FYTTD1: variants seen among roughly 807,000 people sequenced by gnomAD.
FYTTD1 encodes UAP56-interacting factor.
Under a neutral mutation model 40.9 loss-of-function variants are expected in FYTTD1, and 22 were observed. The ratio of observed to expected loss-of-function variants is 0.54; its 90% CI spans 0.38 to 0.77. The LOEUF (loss-of-function observed/expected upper bound fraction) is 0.77, where lower values mean the gene tolerates loss of function less well. Among genes scored for constraint, FYTTD1 ranks in the 30% least tolerant of loss-of-function variants. FYTTD1 has a pLI of 0.00. For synonymous variants in FYTTD1, 140 were observed against 137.9 expected (o/e 1.01, Z -0.10); for missense variants, 351 against 392.2 (o/e 0.90, Z 0.89).
Position 197,782,069 on chromosome 3 carries a change from A to G in FYTTD1, c.*160A>G, listed in dbSNP as rs1249165051. 3 of 448,132 alleles carry G rather than the reference A, an allele frequency of 6.7e-6. No homozygotes were observed. Among genetic ancestry groups the G allele is most frequent in the African/African-American group, 4.0e-5 (2 of 49,710 alleles). The allele number at this position is 448,132 out of a possible 1,614,324, so 27.8% of individuals were successfully genotyped here. On this transcript the variant is annotated 3_prime_UTR_variant, in exon 9 of 9. Coordinates refer to ENST00000241502, the MANE Select transcript of FYTTD1 (RefSeq NM_032288.7). The stretch of plus-strand genomic sequence containing the variant: ...TTTTTTTTTTTAAAAAAAAAAACGT[A>G]TAAAATAATGCCCTGAAAGAATAAT...
intron 2 of FYTTD1, among the ~76,000 whole-genome samples, chr3:197,767,795 A>C (rs986011723): frequency 1.3e-5 from 2 of 152,240 alleles, no homozygotes; most frequent in Admixed American, 6.5e-5. Flanking sequence ...ATGGAAAACC[A>C]AAGTTGGTAA....
In FYTTD1 at chr3:197,781,927, CT is replaced by C. The variant is rs771632139; in HGVS notation, c.*22del. ...TGGGATAGGTCCCATGTCAAAGGAA[CT>C]TTTGAGTGATGACTCTGAGAAGTTG... On this transcript the variant is annotated 3_prime_UTR_variant, in exon 9 of 9. Coordinates refer to ENST00000241502, the MANE Select transcript of FYTTD1 (RefSeq NM_032288.7). 1 of 1,491,014 alleles carries C rather than the reference CT, an allele frequency of 6.7e-7. No individual in the cohort carries two copies. The highest frequency in any genetic ancestry group is 9.2e-7 in the Non-Finnish European group (1 of 1,091,732). 92.4% of individuals were successfully genotyped at this position (1,491,014 alleles called of 1,614,324 possible).
chr3:197,762,989 T>G (rs570368203), intron 2 of FYTTD1, among the ~76,000 whole-genome samples: 1 of 152,244 alleles, frequency 6.6e-6, no homozygotes, highest in Non-Finnish European at 1.5e-5. Flanking sequence ...CTGCACATCC[T>G]GCACGTGTAC....
At chr3:197,766,582 A>G (rs1302535457) in intron 2 of FYTTD1, among the ~76,000 whole-genome samples, 1 of 151,884 alleles carries the variant, frequency 6.6e-6, no homozygotes, top group Non-Finnish European at 1.5e-5. Flanking sequence ...ATCTGGGACT[A>G]CAGGTACGCG....
intron 2 of FYTTD1, among the ~76,000 whole-genome samples, chr3:197,767,053 A>G (rs1188416054): frequency 1.3e-5 from 2 of 151,578 alleles, no homozygotes; most frequent in East Asian, 3.9e-4. Context: ...TGCAGTGAAC[A>G]TGTCTATTTT....
At chr3:197,771,139 G>A (rs1242934861) in intron 4 of FYTTD1, among the ~76,000 whole-genome samples, 1 of 152,122 alleles carries the variant, frequency 6.6e-6, no homozygotes, top group Non-Finnish European at 1.5e-5. Flanking sequence ...AGGATCACAT[G>A]AGCCCAGGAT....
Position 197,782,854 on chromosome 3 carries a change from A to G in FYTTD1, c.*945A>G, listed in dbSNP as rs1730064357. On this transcript the variant is annotated 3_prime_UTR_variant, in exon 9 of 9. Transcript: ENST00000241502. ...TATTTTGATAGTAAAATTAATAGCC[A>G]TAAAGTCCTAGACTTCTTATTTGAA... 6.6e-6 allele frequency: 1 copy of G among 152,604 alleles called. No homozygotes were observed. Among genetic ancestry groups the G allele is most frequent in the South Asian group, 2.1e-4 (1 of 4,832 alleles). The allele number at this position is 152,604 out of a possible 1,614,324, so 9.5% of individuals were successfully genotyped here.
chr3:197,754,824 C>T (rs1205160469), intron 1 of FYTTD1, among the ~76,000 whole-genome samples: 1 of 152,052 alleles, frequency 6.6e-6, no homozygotes, highest in East Asian at 1.9e-4. Context: ...ACCACCATGC[C>T]TGGCTAATTT....
At chr3:197,777,295 T>C (rs1397069559) in intron 7 of FYTTD1, among the ~76,000 whole-genome samples, 1 of 152,220 alleles carries the variant, frequency 6.6e-6, no homozygotes, top group Non-Finnish European at 1.5e-5. Context: ...CTGGCTCTGT[T>C]ACCCAGGCTG....
chr3:197,758,636 A>G (rs1560493285), intron 2 of FYTTD1, among the ~76,000 whole-genome samples: 1 of 152,232 alleles, frequency 6.6e-6, no homozygotes, highest in Non-Finnish European at 1.5e-5. Flanking sequence ...GAGCCTTGAA[A>G]TAAATGATAT....
At position 197,768,565 on chromosome 3, in the gene FYTTD1, A is replaced by G. The variant is rs1729619153; in HGVS notation, c.362A>G (p.Asn121Ser). 2 of 1,613,824 alleles carry G rather than the reference A, an allele frequency of 1.2e-6. No homozygotes were observed. Among genetic ancestry groups the G allele is most frequent in the Admixed American group, 3.3e-5 (2 of 60,002 alleles). ...TGIRKGISPMNRPPLSDKNIE... is the reference protein window; with the variant it reads ...TGIRKGISPMSRPPLSDKNIE... ...ATTCGAAAAGGAATTAGTCCTATGA[A>G]TCGTCCACCTCTAAGTGACAAGGTA... The change falls in exon 3 of 9, where the codon AAT becomes AGT. Residue 121 changes from asparagine to serine, a missense_variant. By Grantham distance (46) the Asn-to-Ser change is conservative. Coordinates refer to ENST00000241502, the MANE Select transcript of FYTTD1 (RefSeq NM_032288.7).
rs538322680 is a variant in FYTTD1, at chr3:197,764,359, T to G, written c.236-4080T>G. Among the ~76,000 whole-genome samples, 4 of 152,294 alleles carry G rather than the reference T, an allele frequency of 2.6e-5. No homozygotes were observed. In the East Asian group the frequency reaches 7.7e-4, roughly 29 times the overall value. On this transcript the variant is annotated intron_variant, in intron 2 of 8. Transcript: ENST00000241502. ...TCATTGCTAAAACAGATACAGCTAA[T>G]GAAGTTTGTTCAAAGGTAGAAAGGT...
rs1729776883 is a variant in FYTTD1, at chr3:197,773,473, A to G, written c.568A>G (p.Thr190Ala). 1 of 1,597,408 alleles carries G rather than the reference A, an allele frequency of 6.3e-7. No homozygotes were observed. Among genetic ancestry groups the G allele is most frequent in the Non-Finnish European group, 8.6e-7 (1 of 1,168,290 alleles). ...LNHQKDTRQA[T>A]FLFRRGLKVQ... ...TCATCAGAAAGATACTCGTCAGGCAACTTTTCTTTTCAGAAGAGGCCTGAA... is the reference window on the plus strand; with the variant it reads ...TCATCAGAAAGATACTCGTCAGGCAGCTTTTCTTTTCAGAAGAGGCCTGAA... The change falls in exon 5 of 9, where the codon ACT (threonine) becomes GCT (alanine). Residue 190 changes from threonine to alanine, a missense_variant. Physicochemically the swap from Thr to Ala is moderately conservative, Grantham distance 58 (BLOSUM62 0). Coordinates refer to ENST00000241502, the MANE Select transcript of FYTTD1 (RefSeq NM_032288.7).
Position 197,784,035 on chromosome 3 carries a change from G to T in FYTTD1, c.*2126G>T, listed in dbSNP as rs1730098893. On this transcript the variant is annotated 3_prime_UTR_variant, in exon 9 of 9. Transcript: ENST00000241502. ...AACAAAACAATATGCTTTGTTGAAG[G>T]AAAATTTTCTTTATTGGAATGTGGT... The T allele has an allele frequency of 6.6e-6, 1 of 152,304 alleles. No individual in the cohort carries two copies. The highest frequency in any genetic ancestry group is 6.6e-5 in the Admixed American group (1 of 15,252). The allele number at this position is 152,304 out of a possible 1,614,324, so 9.4% of individuals were successfully genotyped here.
intron 6 of FYTTD1, among the ~76,000 whole-genome samples, chr3:197,776,380 ATTTGTTT>A (rs1246275621): frequency 7.2e-4 from 85 of 117,564 alleles, no homozygotes; most frequent in Middle Eastern, 4.5e-3. Flanking sequence ...CCCAGCTTAA[ATTTGTTT>A]TTTTTTTTTT....
chr3:197,758,967 C>T (rs1349921589), intron 2 of FYTTD1, among the ~76,000 whole-genome samples: 3 of 152,218 alleles, frequency 2.0e-5, no homozygotes, highest in African/African-American at 4.8e-5. Context: ...TCAGTAAATA[C>T]TTGGAGAAAC....
At chr3:197,750,282 C>A in intron 1 of FYTTD1, 1 of 1,004,674 alleles carries the variant, frequency 1.0e-6, no homozygotes, top group Non-Finnish European at 1.3e-6. Context: ...CCCGGGCGTC[C>A]CCTCGGCCGC....
intron 1 of FYTTD1, among the ~76,000 whole-genome samples, chr3:197,752,668 A>G (rs1370945387): frequency 6.6e-6 from 1 of 151,782 alleles, no homozygotes; most frequent in African/African-American, 2.4e-5. Flanking sequence ...GTATGTATAT[A>G]TGGCTTTGTT....
At chr3:197,775,572 C>T (rs1200617118) in intron 6 of FYTTD1, among the ~76,000 whole-genome samples, 1 of 152,142 alleles carries the variant, frequency 6.6e-6, no homozygotes, top group African/African-American at 2.4e-5. Context: ...CCTCCATATC[C>T]GTGGATTGTT....
Sources: gnomAD v4.1 joint callset for allele counts (sites outside exome capture counted in the v4.1 genomes callset) on GRCh38, gnomAD v4.1.1 for gene constraint, MANE v1.5 for transcripts, NCBI Gene and HGNC (gene_info 2026-07-23, HGNC 2026-07-21) for gene names.